Variants in GPHN observed in about 807,000 individuals in gnomAD.
GPHN encodes gephyrin.
Under a neutral mutation model 95.5 loss-of-function variants are expected in GPHN, and 17 were observed. The observed-to-expected ratio is 0.18, with a 90% CI of 0.12 to 0.27. The LOEUF (loss-of-function observed/expected upper bound fraction) is 0.27. GPHN is among the 10% of genes least tolerant of loss of function. The pLI, the probability that GPHN is intolerant of heterozygous loss-of-function variation, is 1.00. For synonymous variants in GPHN, 320 were observed against 322.5 expected (o/e 0.99, Z 0.08); for missense variants, 660 against 978.1 (o/e 0.67, Z 4.34).
At chr14:67,385,599 AAATT>A in the GPHN span, 2 of 152,022 alleles carry the variant, frequency 1.3e-5, no homozygotes, top group Non-Finnish European at 2.9e-5. Flanking sequence ...ATTTATGCAT[AAATT>A]AATTGAAAAT....
chr14:67,380,587 C>T, the GPHN span: 5 of 748,818 alleles, frequency 6.7e-6, no homozygotes, highest in African/African-American at 1.8e-5. Flanking sequence ...TGCATTGTTC[C>T]ATAGTGTTTG....
intron 2 of GPHN, chr14:66,709,559 T>C (rs899483194): frequency 2.5e-5 from 9 of 363,386 alleles, no homozygotes; most frequent in African/African-American, 1.9e-4. Context: ...TAAAATTTCA[T>C]CATACTCCTC....
At chr14:67,648,350 C>G in the GPHN span, 1 of 656,820 alleles carries the variant, frequency 1.5e-6, no homozygotes, top group Non-Finnish European at 2.4e-6. Flanking sequence ...AGGATATAGT[C>G]CTTTAGAGTC....
At chr14:66,930,295 A>G (rs2066716232) in intron 8 of GPHN, among the ~76,000 whole-genome samples, 1 of 150,858 alleles carries the variant, frequency 6.6e-6, no homozygotes, top group Non-Finnish European at 1.5e-5. Context: ...CTTACTTTAT[A>G]TTTTTTGTGG....
the GPHN span, among the ~76,000 whole-genome samples, chr14:67,510,617 G>C: frequency 1.3e-5 from 2 of 152,342 alleles, no homozygotes; most frequent in South Asian, 4.1e-4. Context: ...GTGTTGCCCA[G>C]TGGTAATGAT....
chr14:66,896,194 G>C (rs947757418), intron 5 of GPHN, among the ~76,000 whole-genome samples: 2 of 152,032 alleles, frequency 1.3e-5, no homozygotes, highest in Non-Finnish European at 2.9e-5. Flanking sequence ...ATATGAATTT[G>C]GGGTAAACAA....
At chr14:67,312,862 CG>C in the GPHN span, 3 of 575,996 alleles carry the variant, frequency 5.2e-6, no homozygotes, top group East Asian at 9.2e-5. Context: ...GTACCTGCAG[CG>C]TAAGTATATT....
At chr14:66,669,541 T>C (rs1367877773) in intron 1 of GPHN, among the ~76,000 whole-genome samples, 1 of 152,150 alleles carries the variant, frequency 6.6e-6, no homozygotes, top group Non-Finnish European at 1.5e-5. Context: ...CCCTCTTCTT[T>C]GACACTCAGA....
the GPHN span, among the ~76,000 whole-genome samples, chr14:67,412,600 G>A: frequency 3.3e-5 from 5 of 152,086 alleles, no homozygotes; most frequent in Non-Finnish European, 7.4e-5. Flanking sequence ...CAGTTTTAAG[G>A]CGGCAGGCAC....
At chr14:66,699,031 A>G (rs1234076103) in intron 2 of GPHN, among the ~76,000 whole-genome samples, 1 of 152,200 alleles carries the variant, frequency 6.6e-6, no homozygotes, top group African/African-American at 2.4e-5. Context: ...ATATTAGTCA[A>G]TGTAACTCTT....
intron 6 of GPHN, among the ~76,000 whole-genome samples, chr14:66,921,034 T>C (rs1455365378): frequency 6.6e-6 from 1 of 152,214 alleles, no homozygotes; most frequent in East Asian, 1.9e-4. Flanking sequence ...GATTTTGCAA[T>C]TATGAATTAT....
chr14:67,128,500 C>T (rs1290934056), intron 17 of GPHN, among the ~76,000 whole-genome samples: 5 of 152,170 alleles, frequency 3.3e-5, no homozygotes, highest in Non-Finnish European at 7.3e-5. Context: ...TTTTATCTCA[C>T]ATTGAATAGC....
the GPHN span, chr14:67,359,682 C>G: frequency 1.2e-6 from 2 of 1,614,080 alleles, no homozygotes; most frequent in Non-Finnish European, 1.7e-6. Flanking sequence ...GATTTCAATT[C>G]GGTCTTTGCC....
intron 2 of GPHN, among the ~76,000 whole-genome samples, chr14:66,692,503 C>T (rs974464223): frequency 6.6e-6 from 1 of 152,124 alleles, no homozygotes; most frequent in African/African-American, 2.4e-5. Flanking sequence ...CCTGGGACTC[C>T]AACCTACGTC....
intron 11 of GPHN, among the ~76,000 whole-genome samples, chr14:67,066,699 C>G (rs181853782): frequency 1.3e-5 from 2 of 152,212 alleles, no homozygotes; most frequent in Admixed American, 6.5e-5. Context: ...CACTGATATC[C>G]TTTCTTCCAT....
At chr14:67,340,982 G>T in the GPHN span, among the ~76,000 whole-genome samples, 1 of 152,188 alleles carries the variant, frequency 6.6e-6, no homozygotes, top group Non-Finnish European at 1.5e-5. Context: ...AGTGCTCAAT[G>T]GTGCCCAGGC....
chr14:66,860,638 C>T (rs1341382958), intron 4 of GPHN, among the ~76,000 whole-genome samples: 1 of 151,696 alleles, frequency 6.6e-6, no homozygotes, highest in Non-Finnish European at 1.5e-5. Flanking sequence ...TTATCTCAAG[C>T]AGAAAGACTA....
rs1381177510 is a variant in GPHN, at chr14:66,737,111, G to A, written c.144-39353G>A. On this transcript the variant is annotated intron_variant, in intron 2 of 22. Coordinates refer to ENST00000478722, the MANE Select transcript of GPHN (RefSeq NM_020806.5). ...TTCTAGGCATATTAAACATATTAAT[G>A]TTTTCTAATAATTCTAATATTTACA... 2.0e-5 allele frequency among the ~76,000 whole-genome samples: 3 copies of A among 152,122 alleles called. No homozygotes were observed. In the East Asian group the frequency reaches 5.8e-4, roughly 29 times the overall value.
intron 2 of GPHN, among the ~76,000 whole-genome samples, chr14:66,750,597 A>T (rs2058329289): frequency 6.6e-6 from 1 of 151,954 alleles, no homozygotes; most frequent in Non-Finnish European, 1.5e-5. Flanking sequence ...ATTCATAATA[A>T]TGTCAACATG....
Sources: gnomAD v4.1 joint callset for allele counts (sites outside exome capture counted in the v4.1 genomes callset) on GRCh38, gnomAD v4.1.1 for gene constraint, MANE v1.5 for transcripts, NCBI Gene and HGNC (gene_info 2026-07-23, HGNC 2026-07-21) for gene names.